CPXM2: variants seen among roughly 807,000 people sequenced by gnomAD.
CPXM2 encodes carboxypeptidase X, M14 family member 2, also known as inactive carboxypeptidase-like protein X2.
Under a neutral mutation model 86.1 loss-of-function variants are expected in CPXM2, and 66 were observed. That is an observed-to-expected ratio of 0.77 (90% CI 0.63 to 0.94). CPXM2 has a LOEUF of 0.94. CPXM2 is among the 40% of genes least tolerant of loss of function. CPXM2 has a pLI of 0.00. For missense variants in CPXM2, 948 were observed against 1,026.3 expected, an observed-to-expected ratio of 0.92 and a Z score of 1.04; for synonymous variants, 388 against 400.2, an observed-to-expected ratio of 0.97 and a Z score of 0.36.
At chr10:123,792,564 GAGA>G (rs748068758) in intron 6 of CPXM2, among the ~76,000 whole-genome samples, 3 of 152,192 alleles carry the variant, frequency 2.0e-5, no homozygotes, top group Non-Finnish European at 2.9e-5. Flanking sequence ...GACCGGAAAT[GAGA>G]AGCAGAGACA....
chr10:123,866,003 AC>A (rs1848971004), intron 2 of CPXM2, among the ~76,000 whole-genome samples: 1 of 151,082 alleles, frequency 6.6e-6, no homozygotes, highest in Non-Finnish European at 1.5e-5. Flanking sequence ...CCACCCCCAC[AC>A]CACACACAGC....
chr10:123,938,709 C>T (rs1047741822), intron 2 of CPXM2, among the ~76,000 whole-genome samples: 4 of 152,172 alleles, frequency 2.6e-5, no homozygotes, highest in South Asian at 2.1e-4. Context: ...CAGCGTCTAC[C>T]GCAGCCATCT....
intron 4 of CPXM2, among the ~76,000 whole-genome samples, chr10:123,815,807 C>G (rs114962089): frequency 0.019 from 2,871 of 152,154 alleles, 91 homozygotes; most frequent in African/African-American, 0.062. Context: ...GAAAATACTG[C>G]TTGAGTTTTC....
intron 2 of CPXM2, among the ~76,000 whole-genome samples, chr10:123,878,515 G>GTC (rs1190335557): frequency 6.9e-6 from 1 of 144,300 alleles, no homozygotes; most frequent in African/African-American, 2.8e-5. Flanking sequence ...ACGTGTGTGT[G>GTC]TGTGTGTGTG....
upstream of CPXM2, among the ~76,000 whole-genome samples, chr10:123,944,011 T>C (rs1945801418): frequency 2.6e-5 from 4 of 152,182 alleles, no homozygotes; most frequent in South Asian, 8.3e-4. Flanking sequence ...CCAGCCAGGA[T>C]CATCCTGCAA....
chr10:123,848,662 T>C (rs1046305100), intron 3 of CPXM2, among the ~76,000 whole-genome samples: 21 of 152,214 alleles, frequency 1.4e-4, no homozygotes, highest in African/African-American at 4.8e-4. Flanking sequence ...ATTGTATATC[T>C]ATGGAACAAG....
chr10:123,770,864 A>G (rs1216220909), intron 8 of CPXM2, 52 bp downstream of exon 8: 2 of 1,570,198 alleles, frequency 1.3e-6, no homozygotes, highest in African/African-American at 2.7e-5. Context: ...CTAACTGTTT[A>G]CATGAGTACC....
intron 4 of CPXM2, among the ~76,000 whole-genome samples, chr10:123,832,660 C>T (rs569165236): frequency 3.9e-5 from 6 of 151,990 alleles, no homozygotes; most frequent in Non-Finnish European, 8.8e-5. Flanking sequence ...AACCCCGTCC[C>T]TACTAAAAAT....
chr10:123,943,613 G>GA (rs1945797228), upstream of CPXM2, among the ~76,000 whole-genome samples: 1 of 152,232 alleles, frequency 6.6e-6, no homozygotes, highest in Non-Finnish European at 1.5e-5. Flanking sequence ...GGTTAGGTCT[G>GA]AAAAATAACA....
intron 13 of CPXM2, chr10:123,751,623 A>T: frequency 1.0e-6 from 1 of 985,408 alleles, no homozygotes; most frequent in Non-Finnish European, 1.2e-6. Flanking sequence ...ACTGATATGC[A>T]TCTAACTCAA....
At chr10:123,942,381 A>G (rs1482105746), upstream of CPXM2, among the ~76,000 whole-genome samples, 1 of 152,212 alleles carries the variant, frequency 6.6e-6, no homozygotes, top group Non-Finnish European at 1.5e-5. Flanking sequence ...AGCACAAGAT[A>G]CAGGTCACAA....
At chr10:123,805,613 CA>C (rs1186309661) in intron 4 of CPXM2, among the ~76,000 whole-genome samples, 16 of 152,072 alleles carry the variant, frequency 1.1e-4, no homozygotes, top group African/African-American at 3.9e-4. Flanking sequence ...ATTTGTGGCT[CA>C]GTATATGGTC....
chr10:123,819,773 T>C (rs960927567), intron 4 of CPXM2, among the ~76,000 whole-genome samples: 1 of 152,224 alleles, frequency 6.6e-6, no homozygotes, highest in Admixed American at 6.5e-5. Flanking sequence ...TGTGTATGGG[T>C]TCAAATTGAC....
At chr10:123,755,780 T>C (rs2133976275) in intron 12 of CPXM2, among the ~76,000 whole-genome samples, 1 of 152,348 alleles carries the variant, frequency 6.6e-6, no homozygotes, top group Admixed American at 6.5e-5. Flanking sequence ...TCATTACCAA[T>C]GACTTTACGC....
At chr10:123,841,041 C>T (rs1486059296) in intron 4 of CPXM2, among the ~76,000 whole-genome samples, 3 of 152,148 alleles carry the variant, frequency 2.0e-5, no homozygotes, top group Non-Finnish European at 4.4e-5. Context: ...GGACTGCAGA[C>T]GGGAGGGATC....
chr10:123,901,711 A>G (rs184050212), intron 2 of CPXM2, among the ~76,000 whole-genome samples: 22 of 152,304 alleles, frequency 1.4e-4, no homozygotes, highest in African/African-American at 4.6e-4. Context: ...GGTCACACAC[A>G]TAACTCTGAG....
upstream of CPXM2, among the ~76,000 whole-genome samples, chr10:123,896,733 A>G (rs1037079984): frequency 3.3e-5 from 5 of 152,228 alleles, no homozygotes; most frequent in African/African-American, 1.2e-4. Flanking sequence ...AAGAAACCAC[A>G]TGAACAGGCA....
At chr10:123,930,523 C>A (rs1297506872) in intron 2 of CPXM2, among the ~76,000 whole-genome samples, 1 of 152,184 alleles carries the variant, frequency 6.6e-6, no homozygotes, top group Non-Finnish European at 1.5e-5. Context: ...CACACTCCAG[C>A]CAGATTCCTG....
In CPXM2 at chr10:123,754,858, T is replaced by G; in HGVS notation, c.1918-96A>C. 1 of 736,244 alleles carries G rather than the reference T, an allele frequency of 1.4e-6. No individual in the cohort carries two copies. The allele number at this position is 736,244 out of a possible 1,614,324, so 45.6% of individuals were successfully genotyped here. Reference sequence around the variant, plus strand: ...GGCTGTCAACCCACCATTGGCCGGTTCCCACCAAGAACTCACACAGCACCA... The same window carrying G: ...GGCTGTCAACCCACCATTGGCCGGTGCCCACCAAGAACTCACACAGCACCA... On this transcript the variant is annotated intron_variant, in intron 12 of 13. Transcript: ENST00000241305. This position sits in a 1 kb window ranked among gnomAD's most constrained non-coding sequence, Gnocchi z 4.0.
Sources: gnomAD v4.1 joint callset for allele counts (sites outside exome capture counted in the v4.1 genomes callset) on GRCh38, gnomAD v4.1.1 for gene constraint, Gnocchi (gnomAD v3.1) non-coding constraint, MANE v1.5 for transcripts, NCBI Gene and HGNC (gene_info 2026-07-23, HGNC 2026-07-21) for gene names.